The following FAM20A variants were observed in gnomAD, a reference collection of about 807,000 sequenced individuals.
FAM20A encodes pseudokinase FAM20A.
In FAM20A, 42 loss-of-function variants were observed where a neutral mutation model predicts 52.0. That is an observed-to-expected ratio of 0.81 (90% CI 0.63 to 1.04). The LOEUF (loss-of-function observed/expected upper bound fraction) is 1.04, where lower values mean the gene tolerates loss of function less well. Ranked by LOEUF, FAM20A falls within the 50% of genes least tolerant of loss-of-function variation. FAM20A has a pLI of 0.00. For missense variants in FAM20A, 742 were observed against 712.7 expected (o/e 1.04, Z -0.47); for synonymous variants, 304 against 298.9 (o/e 1.02, Z -0.18).
rs11330363 is a variant in FAM20A, at chr17:68,581,581, CTT to C, written c.404+18680_404+18681del. Among the ~76,000 whole-genome samples the C allele has an allele frequency of 1.1e-3, 105 of 96,106 alleles. 1 individual carries two copies. Among genetic ancestry groups the C allele is most frequent in the Middle Eastern group, 4.3e-3 (1 of 232 alleles). 63.0% of individuals were successfully genotyped at this position (96,106 alleles called of 152,430 possible). A position where few individuals can be genotyped will look rare whatever the true frequency, so the allele number is the denominator to read the frequency against. On this transcript the variant is annotated intron_variant, in intron 1 of 10. Transcript: ENST00000592554. ...TTCCTCTCTCTCTCTTTCTTTTTTC[CTT>C]TTTTTTTTTTTTGACAGAGTCTCAC...
chr17:68,540,519 A>C (rs566495155), intron 8 of FAM20A: 1 of 484,920 alleles, frequency 2.1e-6, no homozygotes, highest in Non-Finnish European at 4.1e-6. Context: ...TCCCTGCTAC[A>C]TATTTGTGTA....
chr17:68,542,067 A>G lies in FAM20A; in HGVS notation c.1027T>C (p.Phe343Leu). The change falls in exon 7 of 11, where the codon TTC becomes CTC. Residue 343 changes from phenylalanine (F) to leucine (L), a missense_variant. By Grantham distance (22) the Phe-to-Leu change is conservative (BLOSUM62 0). Transcript: ENST00000592554. Reference protein sequence around the residue: ...PHLLEGSLSAFLPSLNLAPRL... With the variant: ...PHLLEGSLSALLPSLNLAPRL... ...GGGGCCAGGTTGAGGGACGGCAGGA[A>G]GGCAGAGAGGGAACCCTCCAGCAGG... 2.5e-6 allele frequency: 4 copies of G among 1,613,968 alleles called. No individual in the cohort carries two copies. The highest frequency in any genetic ancestry group is 3.4e-6 in the Non-Finnish European group (4 of 1,179,882).
At chr17:68,580,936 G>A (rs527389640) in intron 1 of FAM20A, among the ~76,000 whole-genome samples, 6 of 152,280 alleles carry the variant, frequency 3.9e-5, no homozygotes, top group Non-Finnish European at 5.9e-5. Flanking sequence ...ACAAGGCAGC[G>A]TTGCGATGAC....
rs1200429484 is a variant in FAM20A at position 68,600,131 on chromosome 17, C to T, written c.404+132G>A. ...TCGGGTGGGGAACACACTCTAAGCC[C>T]AGCGCCAGGGCTGGAGCCGTGGGTG... On this transcript the variant is annotated intron_variant, in intron 1 of 10. Transcript: ENST00000592554. The surrounding 1 kb of genome is among the most constrained non-coding windows in gnomAD (Gnocchi z 6.2). 1.4e-5 allele frequency: 15 copies of T among 1,104,388 alleles called. No homozygotes were observed. The highest frequency in any genetic ancestry group is 1.8e-5 in the Non-Finnish European group (14 of 791,200). 68.4% of individuals were successfully genotyped at this position (1,104,388 alleles called of 1,614,324 possible).
At chr17:68,542,237 A>C in intron 6 of FAM20A, 72 bp from the exon 7 acceptor site, 1 of 1,536,344 alleles carries the variant, frequency 6.5e-7, no homozygotes, top group Admixed American at 1.7e-5. Context: ...TGGCCTAGGA[A>C]ATCCACTGGG....
At chr17:68,553,524 A>G (rs535240815) in intron 3 of FAM20A, among the ~76,000 whole-genome samples, 36 of 152,128 alleles carry the variant, frequency 2.4e-4, no homozygotes, top group African/African-American at 8.7e-4. Flanking sequence ...TAGGGTCCAG[A>G]CCCACCTATA....
At chr17:68,581,425 T>TC (rs1239596190) in intron 1 of FAM20A, among the ~76,000 whole-genome samples, 35 of 142,142 alleles carry the variant, frequency 2.5e-4, no homozygotes, top group Non-Finnish European at 3.9e-4. Flanking sequence ...TTTTTCTCTT[T>TC]TCTTTCTTTC....
chr17:68,581,771 T>G (rs559002718), intron 1 of FAM20A, among the ~76,000 whole-genome samples: 1 of 152,018 alleles, frequency 6.6e-6, no homozygotes, highest in South Asian at 2.1e-4. Flanking sequence ...AGACAGGGTT[T>G]CACCATGTTG....
intron 8 of FAM20A, 37 bp from the exon 9 acceptor site, chr17:68,540,003 G>A: frequency 4.4e-6 from 7 of 1,587,534 alleles, no homozygotes; most frequent in Non-Finnish European, 6.1e-6. Context: ...GAACCAGCAG[G>A]CCAGGGGGAC....
chr17:68,592,267 A>C (rs2088334690), intron 1 of FAM20A, among the ~76,000 whole-genome samples: 1 of 152,188 alleles, frequency 6.6e-6, no homozygotes, highest in Non-Finnish European at 1.5e-5. Flanking sequence ...CTGAGCTATG[A>C]GTTAACTATG....
rs772762506 is a variant in FAM20A at position 68,551,049 on chromosome 17, C to T, written c.719+824G>A. ...CTGGAGGAAAGCATGACTTGGGTAA[C>T]GTGGCCCCTCTTGGGGCGATTTTCT... On this transcript the variant is annotated intron_variant, in intron 4 of 10. Coordinates refer to ENST00000592554, the MANE Select transcript of FAM20A (RefSeq NM_017565.4). The T allele has an allele frequency of 1.3e-5, 16 of 1,230,112 alleles. No individual in the cohort carries two copies. The East Asian group carries it at 2.8e-4, about 22-fold the overall frequency. 76.2% of individuals were successfully genotyped at this position (1,230,112 alleles called of 1,614,324 possible).
At position 68,584,347 on chromosome 17, in the gene FAM20A, C is replaced by A. The variant is rs200893197; in HGVS notation, c.404+15916G>T. ...CAAAACAAAACAAAACAAAACAAAA[C>A]AAAAAAAAAACCCAAACACAAAAAG... On this transcript the variant is annotated intron_variant, in intron 1 of 10. Transcript: ENST00000592554. 4.0e-5 allele frequency among the ~76,000 whole-genome samples: 5 copies of A among 124,798 alleles called. No individual in the cohort carries two copies. The South Asian group carries it at 8.3e-4, about 21-fold the overall frequency. The allele number at this position is 124,798 out of a possible 152,430, so 81.9% of individuals were successfully genotyped here.
intron 3 of FAM20A, 50 bp from the exon 4 acceptor site, chr17:68,552,001 G>T: frequency 8.2e-7 from 1 of 1,213,968 alleles, no homozygotes; most frequent in Non-Finnish European, 1.2e-6. Flanking sequence ...CCTCAGCCAA[G>T]GCTTGTGACT....
Position 68,600,327 on chromosome 17 carries a change from C to T in FAM20A, c.340G>A (p.Asp114Asn), listed in dbSNP as rs749505063. 41 of 1,594,100 alleles carry T rather than the reference C, an allele frequency of 2.6e-5. No homozygotes were observed. Among genetic ancestry groups the T allele is most frequent in the Non-Finnish European group, 4.3e-6 (5 of 1,170,858 alleles). The change falls in exon 1 of 11, where the codon GAC (aspartate) becomes AAC (asparagine). Residue 114 changes from aspartate (D) to asparagine (N), a missense_variant. Transcript: ENST00000592554. The surrounding 1 kb of genome is among the most constrained non-coding windows in gnomAD (Gnocchi z 6.2). ...PEEPPLLGAE[D>N]SLLASQEALR... ...GCCTCCTGGCTGGCCAGGAGCGAGT[C>T]CTCGGCTCCCAGGAGAGGCGGCTCC... is the stretch of plus-strand genomic sequence containing the variant.
At chr17:68,597,221 CAAA>C (rs542367925) in intron 1 of FAM20A, among the ~76,000 whole-genome samples, 4 of 132,372 alleles carry the variant, frequency 3.0e-5, no homozygotes, top group Admixed American at 1.6e-4. Flanking sequence ...GTCAAAATTA[CAAA>C]AAAAAAAAAA....
chr17:68,545,480 A>G (rs956547025), intron 4 of FAM20A, among the ~76,000 whole-genome samples: 3 of 152,232 alleles, frequency 2.0e-5, no homozygotes, highest in African/African-American at 7.2e-5. Flanking sequence ...TGAAAAATGT[A>G]TACATCTTAA....
chr17:68,543,419 C>T (rs570535694), intron 5 of FAM20A, among the ~76,000 whole-genome samples: 3 of 152,256 alleles, frequency 2.0e-5, no homozygotes, highest in East Asian at 1.9e-4. Context: ...TTGTTCTTTT[C>T]GTTACATTCG....
intron 1 of FAM20A, among the ~76,000 whole-genome samples, chr17:68,560,622 G>T (rs1004276188): frequency 9.9e-5 from 15 of 152,124 alleles, no homozygotes; most frequent in Admixed American, 9.2e-4. Flanking sequence ...TTGTTATGCC[G>T]AGCGATGCTG....
intron 1 of FAM20A, among the ~76,000 whole-genome samples, chr17:68,572,475 C>A (rs2087591442): frequency 6.6e-6 from 1 of 152,156 alleles, no homozygotes; most frequent in Non-Finnish European, 1.5e-5. Flanking sequence ...ACCATCAGAG[C>A]AGTAACACTG....
Sources: allele counts gnomAD v4.1 joint callset (sites outside exome capture counted in the v4.1 genomes callset), GRCh38; gene constraint gnomAD v4.1.1; non-coding constraint Gnocchi (gnomAD v3.1); transcripts MANE v1.5; gene names NCBI Gene and HGNC (gene_info 2026-07-23, HGNC 2026-07-21).